Variants in STS observed in about 807,000 individuals in gnomAD.
STS encodes steryl-sulfatase.
STS carries 7 observed loss-of-function variants against 26.8 expected under a neutral mutation model. That is an observed-to-expected ratio of 0.26 (90% CI 0.15 to 0.49). The LOEUF (loss-of-function observed/expected upper bound fraction) is 0.49, where lower values mean the gene tolerates loss of function less well. Among genes scored for constraint, STS ranks in the 20% least tolerant of loss-of-function variants. The pLI, the probability that STS is intolerant of heterozygous loss-of-function variation, is 0.98. For missense variants in STS, 434 were observed against 465.6 expected (o/e 0.93, Z 0.63); for synonymous variants, 199 against 189.4 (o/e 1.05, Z -0.42).
At chrX:7,322,590 A>G (rs961040957) in intron 8 of STS, among the ~76,000 whole-genome samples, 1 of 111,773 alleles carries the variant, frequency 8.9e-6, no homozygotes, top group Non-Finnish European at 1.9e-5. Flanking sequence ...TAGTAGAGAC[A>G]TGATTTCACC....
chrX:7,147,445 G>A (rs751566199), upstream of STS, among the ~76,000 whole-genome samples: 15 of 111,605 alleles, frequency 1.3e-4, no homozygotes, highest in Non-Finnish European at 2.3e-4. Context: ...AGATGCCAGT[G>A]ACCCCATCAC....
chrX:7,327,918 C>T (rs1927558333), intron 9 of STS, among the ~76,000 whole-genome samples: 1 of 111,786 alleles, frequency 8.9e-6, no homozygotes, highest in African/African-American at 3.3e-5. Flanking sequence ...CAGTTCTTTC[C>T]TCTTCCACAT....
intron 2 of STS, among the ~76,000 whole-genome samples, chrX:7,233,929 T>A (rs368234286): frequency 1.8e-5 from 2 of 112,210 alleles, no homozygotes; most frequent in African/African-American, 6.5e-5. Context: ...ATCTGGTTGT[T>A]AAATCCCAGA....
chrX:7,286,870 T>C (rs1925159926), intron 7 of STS, among the ~76,000 whole-genome samples: 1 of 112,287 alleles, frequency 8.9e-6, no homozygotes, highest in Non-Finnish European at 1.9e-5. Context: ...CATTTGTTAC[T>C]GGAATATAAT....
intron 7 of STS, among the ~76,000 whole-genome samples, chrX:7,290,163 C>T (rs1357891989): frequency 9.0e-6 from 1 of 111,591 alleles, no homozygotes; most frequent in African/African-American, 3.3e-5. Flanking sequence ...TAATTGAAAG[C>T]AGACAGTTCT....
At chrX:7,338,560 G>A (rs1475659950) in intron 10 of STS, among the ~76,000 whole-genome samples, 3 of 111,487 alleles carry the variant, frequency 2.7e-5, no homozygotes, top group East Asian at 2.8e-4. Flanking sequence ...TTAGGGGAAC[G>A]GGGCACCAAT....
At chrX:7,347,182 G>A (rs1176791994) in intron 10 of STS, among the ~76,000 whole-genome samples, 1 of 111,538 alleles carries the variant, frequency 9.0e-6, no homozygotes, top group Non-Finnish European at 1.9e-5. Flanking sequence ...GACACCTTTG[G>A]AGATGTCAGT....
At chrX:7,267,228 C>G (rs1924048724) in intron 6 of STS, among the ~76,000 whole-genome samples, 1 of 111,822 alleles carries the variant, frequency 8.9e-6, no homozygotes, top group Admixed American at 9.5e-5. Flanking sequence ...ACACCTTTCT[C>G]CAGATGGAAG....
chrX:7,175,824 C>A (rs1187214968), intron 1 of STS, among the ~76,000 whole-genome samples: 1 of 111,716 alleles, frequency 9.0e-6, no homozygotes, highest in Non-Finnish European at 1.9e-5. Context: ...CATTTATTCT[C>A]CATGCTCTTA....
At chrX:7,306,271 C>T (rs1317555869) in intron 8 of STS, among the ~76,000 whole-genome samples, 3 of 110,819 alleles carry the variant, frequency 2.7e-5, no homozygotes, top group African/African-American at 9.9e-5. Flanking sequence ...TGACACACAA[C>T]GTGGCCCATT....
At chrX:7,192,337 G>A (rs2147017472) in intron 2 of STS, among the ~76,000 whole-genome samples, 1 of 111,938 alleles carries the variant, frequency 8.9e-6, no homozygotes, top group South Asian at 3.7e-4. Context: ...GCCGAGGCGG[G>A]CAGATCGCCT....
chrX:7,211,206 C>T (rs1422229176), intron 2 of STS, among the ~76,000 whole-genome samples: 2 of 111,887 alleles, frequency 1.8e-5, no homozygotes, highest in Admixed American at 9.5e-5. Flanking sequence ...CTCCATAGCA[C>T]ACAGTGGCTG....
At chrX:7,199,674 T>A (rs1413842207) in intron 2 of STS, among the ~76,000 whole-genome samples, 1 of 111,385 alleles carries the variant, frequency 9.0e-6, no homozygotes, top group Non-Finnish European at 1.9e-5. Context: ...CAACTTTATT[T>A]ATTTCAAGAT....
In STS at chrX:7,254,144, G is replaced by C. The variant is rs193015517; in HGVS notation, c.137+808G>C. On this transcript the variant is annotated intron_variant, in intron 3 of 10. Transcript: ENST00000674429. ...TGAGCATTTCAACATCTGAATCTGG[G>C]GGGGACACAAACATCGAGACCATAG... Among the ~76,000 whole-genome samples, 12 of 111,889 alleles carry C rather than the reference G, an allele frequency of 1.1e-4. No homozygotes were observed. In the East Asian group the frequency reaches 3.4e-3, roughly 32 times the overall value.
rs777387752 is a variant in STS, at chrX:7,259,528, G to C, written c.562G>C (p.Val188Leu). ...GCTGGTCTTCCTCCCCCTGCAGATC[G>C]TCGGGGTCACCCTCCTTACCCTTGC... ...KRLVFLPLQI[V>L]GVTLLTLAAL... The change falls in exon 6 of 11, where the codon GTC (valine) becomes CTC (leucine). Residue 188 changes from valine (V) to leucine (L), a missense_variant. Val to Leu is a conservative substitution (Grantham distance 32). Around this residue, in one of 2 missense-constraint regions of STS, gnomAD observed 229 missense variants for 288.3 expected, o/e 0.79. Coordinates refer to ENST00000674429, the MANE Select transcript of STS (RefSeq NM_001320752.2). 8.3e-7 allele frequency: 1 copy of C among 1,211,705 alleles called. No individual in the cohort carries two copies. Among genetic ancestry groups the C allele is most frequent in the Non-Finnish European group, 1.1e-6 (1 of 895,416 alleles).
Position 7,272,726 on chromosome X carries a change from C to T in STS, c.807-3225C>T, listed in dbSNP as rs1013818407. Among the ~76,000 whole-genome samples the T allele has an allele frequency of 5.4e-5, 6 of 111,921 alleles. No homozygotes were observed. The Admixed American group carries it at 5.7e-4, about 11-fold the overall frequency. On this transcript the variant is annotated intron_variant, in intron 6 of 10. Coordinates refer to ENST00000674429, the MANE Select transcript of STS (RefSeq NM_001320752.2). ...CTGAATTCATGCCACCTGCCAATCA[C>T]TTTGCGGGTGTCAGGAACACCATGA... is the stretch of plus-strand genomic sequence containing the variant.
At chrX:7,173,640 G>A (rs1191015263) in intron 1 of STS, among the ~76,000 whole-genome samples, 1 of 112,178 alleles carries the variant, frequency 8.9e-6, no homozygotes, top group Non-Finnish European at 1.9e-5. Context: ...ATTCTGACTG[G>A]CATGAGGTGA....
chrX:7,279,339 A>ATGTGTG (rs1199607828), intron 7 of STS, among the ~76,000 whole-genome samples: 1 of 42,323 alleles, frequency 2.4e-5, no homozygotes, highest in Non-Finnish European at 4.7e-5. Flanking sequence ...GTGTGTGTGT[A>ATGTGTG]TGTGTGTGTG....
chrX:7,261,117 A>G (rs927937017), intron 6 of STS, among the ~76,000 whole-genome samples: 1 of 111,941 alleles, frequency 8.9e-6, no homozygotes, highest in Admixed American at 9.5e-5. Flanking sequence ...CAAGCAAATA[A>G]AAGTATTTTG....
Sources: gnomAD v4.1 joint callset for allele counts (sites outside exome capture counted in the v4.1 genomes callset) on GRCh38, gnomAD v4.1.1 for gene constraint, gnomAD v4.1.1 regional missense constraint, MANE v1.5 for transcripts, NCBI Gene and HGNC (gene_info 2026-07-23, HGNC 2026-07-21) for gene names.